Variants in PLEKHG7 observed in about 807,000 individuals in gnomAD.
The protein encoded by PLEKHG7 is pleckstrin homology and RhoGEF domain containing G7.
In PLEKHG7, 77 loss-of-function variants were observed where a neutral mutation model predicts 85.2. The observed-to-expected ratio is 0.90, with a 90% CI of 0.75 to 1.09. PLEKHG7 has a LOEUF of 1.09. PLEKHG7 is among the 50% of genes least tolerant of loss of function. The probability of loss-of-function intolerance (pLI) is 0.00; values close to 1 mark genes in which losing one functional copy is unlikely to be tolerated. For synonymous variants in PLEKHG7, 301 were observed against 302.4 expected, an observed-to-expected ratio of 1.00 and a Z score of 0.05; for missense variants, 777 against 804.3, an observed-to-expected ratio of 0.97 and a Z score of 0.41.
chr12:92,756,254 A>C lies in PLEKHG7; in HGVS notation c.1543-44A>C, dbSNP rs1401892051. On this transcript the variant is annotated intron_variant, in intron 12 of 16. Transcript: ENST00000344636. Reference sequence around the variant, plus strand: ...CAGCTTTTTAAACATGTTCTCTTCCAATCACTAACAACATCTCTTTTATTT... The same window carrying C: ...CAGCTTTTTAAACATGTTCTCTTCCCATCACTAACAACATCTCTTTTATTT... 2.8e-6 allele frequency: 4 copies of C among 1,427,144 alleles called. No individual in the cohort carries two copies. In the African/African-American group the frequency reaches 5.7e-5, roughly 20 times the overall value. The allele number at this position is 1,427,144 out of a possible 1,614,324, so 88.4% of individuals were successfully genotyped here.
chr12:92,752,512 A>G (rs1356139506), intron 10 of PLEKHG7, among the ~76,000 whole-genome samples: 1 of 152,060 alleles, frequency 6.6e-6, no homozygotes, highest in East Asian at 1.9e-4. Context: ...GGTTGAGCTA[A>G]TTGTACCTAG....
chr12:92,755,584 T>C (rs1846235363), intron 11 of PLEKHG7, among the ~76,000 whole-genome samples: 1 of 152,172 alleles, frequency 6.6e-6, no homozygotes, highest in Admixed American at 6.5e-5. Context: ...GAATACACAA[T>C]ATACTTTCAA....
At chr12:92,712,225 C>T (rs576196871) in intron 3 of PLEKHG7, among the ~76,000 whole-genome samples, 1 of 152,302 alleles carries the variant, frequency 6.6e-6, no homozygotes, top group East Asian at 1.9e-4. Flanking sequence ...AGGCGAAAAG[C>T]GATCAAGGTC....
At chr12:92,712,036 C>A (rs923597002) in intron 3 of PLEKHG7, among the ~76,000 whole-genome samples, 3 of 152,168 alleles carry the variant, frequency 2.0e-5, no homozygotes, top group African/African-American at 4.8e-5. Context: ...GGTCCCACAC[C>A]ACTGGACCCC....
At chr12:92,731,544 G>A (rs1871993652) in intron 4 of PLEKHG7, among the ~76,000 whole-genome samples, 1 of 152,162 alleles carries the variant, frequency 6.6e-6, no homozygotes, top group Non-Finnish European at 1.5e-5. Context: ...GCTTTGGCTA[G>A]GTAGCATTAC....
In PLEKHG7 at chr12:92,750,132, C is replaced by T. The variant is rs570117484; in HGVS notation, c.1252-3958C>T. ...GCAGCCTCAACCTCCCTTGCTCAAG[C>T]GACAGGACATATTTTCATCTGGGGC... On this transcript the variant is annotated intron_variant, in intron 10 of 16. Transcript: ENST00000344636. Among the ~76,000 whole-genome samples, 144 of 151,660 alleles carry T rather than the reference C, an allele frequency of 9.5e-4. 1 individual carries two copies. Among genetic ancestry groups the T allele is most frequent in the Non-Finnish European group, 1.7e-3 (115 of 67,912 alleles).
chr12:92,740,527 T>C (rs940300014), intron 7 of PLEKHG7, among the ~76,000 whole-genome samples: 4 of 145,296 alleles, frequency 2.8e-5, no homozygotes, highest in Non-Finnish European at 4.4e-5. Flanking sequence ...AAGTTAGTAG[T>C]GTTGTTGGCA....
intron 15 of PLEKHG7, among the ~76,000 whole-genome samples, chr12:92,767,225 T>TA (rs1022801195): frequency 2.6e-5 from 4 of 152,174 alleles, no homozygotes; most frequent in African/African-American, 4.8e-5. Flanking sequence ...AGAATGTCAG[T>TA]AAAAAAAGAG....
rs1398757462 is a variant in PLEKHG7, at chr12:92,771,741, C to T, written c.*1546C>T. The stretch of plus-strand genomic sequence containing the variant: ...TTGCAAATGTTTAGATATAAACTAA[C>T]CTCGGAGGTGAGCAGTGGACTAGGA... On this transcript the variant is annotated 3_prime_UTR_variant, in exon 17 of 17. Transcript: ENST00000344636. 2.6e-5 allele frequency: 4 copies of T among 151,956 alleles called. No individual in the cohort carries two copies. Among genetic ancestry groups the T allele is most frequent in the African/African-American group, 7.2e-5 (3 of 41,402 alleles). 9.4% of individuals were successfully genotyped at this position (151,956 alleles called of 1,614,324 possible). A position where few individuals can be genotyped will look rare whatever the true frequency, so the allele number is the denominator to read the frequency against.
intron 10 of PLEKHG7, among the ~76,000 whole-genome samples, chr12:92,749,907 A>ATTTATTTTAT (rs5800080): frequency 1.3e-3 from 158 of 124,388 alleles, no homozygotes; most frequent in African/African-American, 4.7e-3. Context: ...ATTTTATTTC[A>ATTTATTTTAT]TTTATTTTAT....
chr12:92,721,988 G>C (rs1346652343), intron 3 of PLEKHG7, among the ~76,000 whole-genome samples: 3 of 151,440 alleles, frequency 2.0e-5, no homozygotes, highest in Non-Finnish European at 4.4e-5. Flanking sequence ...TAAGAATTCT[G>C]AATTCACTAC....
chr12:92,738,351 C>T (rs556528477), intron 7 of PLEKHG7, among the ~76,000 whole-genome samples: 3 of 152,312 alleles, frequency 2.0e-5, no homozygotes, highest in East Asian at 3.9e-4. Flanking sequence ...CTCTGCCCAC[C>T]GCACTTTTGC....
intron 13 of PLEKHG7, among the ~76,000 whole-genome samples, chr12:92,760,566 G>A (rs911015948): frequency 6.6e-6 from 1 of 151,914 alleles, no homozygotes; most frequent in Non-Finnish European, 1.5e-5. Context: ...AATTTACTGG[G>A]TTTTCCTATG....
At chr12:92,761,290 A>C (rs1490658295) in intron 13 of PLEKHG7, among the ~76,000 whole-genome samples, 8 of 152,180 alleles carry the variant, frequency 5.3e-5, no homozygotes, top group Non-Finnish European at 1.2e-4. Context: ...AAGTTCAATC[A>C]GTTGATAGAT....
chr12:92,707,629 T>G, intron 2 of PLEKHG7, 21 bp from the exon 3 acceptor site: 1 of 1,611,916 alleles, frequency 6.2e-7, no homozygotes. Context: ...CTAAAACATA[T>G]GTTCTTAAAA....
chr12:92,755,826 G>T lies in PLEKHG7; in HGVS notation c.1428G>T (p.Arg476=), dbSNP rs756652438. The T allele has an allele frequency of 1.9e-6, 3 of 1,599,166 alleles. No homozygotes were observed. In the East Asian group the frequency reaches 6.7e-5, roughly 36 times the overall value. Residue 476 remains arginine (R), a splice_region_variant and synonymous_variant, in exon 12 of 17, where the codon CGG becomes CGT. Coordinates refer to ENST00000344636, the MANE Select transcript of PLEKHG7 (RefSeq NM_001377329.1). ...TACTGACTATGTCATGTCTTTCAGG[G>T]GACCTTGAAGGAAAAGTGAAGTGGC... ...SIKEKVEKSI[R]DLEGKVKWLD...
rs1871234249 is a variant in PLEKHG7 at position 92,706,629 on chromosome 12, T to A, written c.-3T>A. On this transcript the variant is annotated 5_prime_UTR_variant, in exon 2 of 17. Transcript: ENST00000344636. ...TCTACCAACAGTAGAACCTCTTAGC[T>A]TTATGGAGAAAACAGAGTCATTCTG... is the stretch of plus-strand genomic sequence containing the variant. The A allele has an allele frequency of 6.2e-7, 1 of 1,602,714 alleles. No individual in the cohort carries two copies. The highest frequency in any genetic ancestry group is 8.5e-7 in the Non-Finnish European group (1 of 1,175,014).
intron 3 of PLEKHG7, among the ~76,000 whole-genome samples, chr12:92,715,379 G>A (rs1467148916): frequency 6.6e-6 from 1 of 152,104 alleles, no homozygotes; most frequent in Non-Finnish European, 1.5e-5. Flanking sequence ...CACCTTCACA[G>A]ATACACCCAG....
intron 5 of PLEKHG7, among the ~76,000 whole-genome samples, chr12:92,733,254 G>A (rs1872044992): frequency 6.6e-6 from 1 of 152,106 alleles, no homozygotes; most frequent in Admixed American, 6.5e-5. Context: ...AGCCTCACAG[G>A]GTGATTGTAA....
Sources: allele counts gnomAD v4.1 joint callset (sites outside exome capture counted in the v4.1 genomes callset), GRCh38; gene constraint gnomAD v4.1.1; transcripts MANE v1.5; gene names NCBI Gene and HGNC (gene_info 2026-07-23, HGNC 2026-07-21).